OR10H1: variants seen among roughly 807,000 people sequenced by gnomAD.
OR10H1 encodes olfactory receptor 10H1.
OR10H1 carries 12 observed loss-of-function variants against 13.1 expected under a neutral mutation model. That is an observed-to-expected ratio of 0.92 (90% CI 0.59 to 1.48). OR10H1 has a LOEUF of 1.48. OR10H1 is among the 40% of genes most tolerant of loss of function. The pLI is 0.00. For synonymous variants in OR10H1, 168 were observed against 175.6 expected (o/e 0.96, Z 0.34); for missense variants, 363 against 413.1 (o/e 0.88, Z 1.05).
chr19:15,806,815 C>T lies in OR10H1; in HGVS notation c.*266G>A. The T allele has an allele frequency of 2.5e-6, 1 of 407,812 alleles. No individual in the cohort carries two copies. 25.3% of individuals were successfully genotyped at this position (407,812 alleles called of 1,614,324 possible). ...TGATCTCAGCTCACTGCAACCTCCA[C>T]CTACCGGGTCAAGCGATTCTTATGC... On this transcript the variant is annotated 3_prime_UTR_variant, in exon 4 of 4. Transcript: ENST00000641419.
rs1400159767 is a variant in OR10H1, at chr19:15,810,885, AAATAAAATAAAATAAAAAT to A, written c.-129+1326_-129+1344del. On this transcript the variant is annotated intron_variant, in intron 2 of 3. Coordinates refer to ENST00000641419, the MANE Select transcript of OR10H1 (RefSeq NM_013940.4). Reference sequence around the variant, plus strand: ...AAAATAAAATAAAATAAAAATAAAGAAATAAAATAAAATAAAAATAAAGAAAAGAAAATAAATAAATAAA... The same window carrying A: ...AAAATAAAATAAAATAAAAATAAAGAAAAGAAAAGAAAATAAATAAATAAA... Among the ~76,000 whole-genome samples the A allele has an allele frequency of 1.0e-3, 59 of 57,448 alleles. No homozygotes were observed. In the Middle Eastern group the frequency reaches 0.056, roughly 54 times the overall value. 37.7% of individuals were successfully genotyped at this position (57,448 alleles called of 152,430 possible). A position where few individuals can be genotyped will look rare whatever the true frequency, so the allele number is the denominator to read the frequency against.
chr19:15,804,725 TG>T lies in OR10H1; in HGVS notation c.*2355del, dbSNP rs1259648598. The T allele has an allele frequency of 2.6e-5, 4 of 152,236 alleles. No homozygotes were observed. Among genetic ancestry groups the T allele is most frequent in the Non-Finnish European group, 4.4e-5 (3 of 68,046 alleles). 9.4% of individuals were successfully genotyped at this position (152,236 alleles called of 1,614,324 possible). On this transcript the variant is annotated 3_prime_UTR_variant, in exon 4 of 4. Transcript: ENST00000641419. ...TATAGCAGCATGATTTATAATCCTTTGGGTATATACCCAGTAATGGGATGGC... is the reference window on the plus strand; with the variant it reads ...TATAGCAGCATGATTTATAATCCTTTGGTATATACCCAGTAATGGGATGGC...
At chr19:15,813,266 C>T (rs2088944636) in intron 1 of OR10H1, among the ~76,000 whole-genome samples, 1 of 152,086 alleles carries the variant, frequency 6.6e-6, no homozygotes, top group South Asian at 2.1e-4. Context: ...TCTGAAACTG[C>T]TCTTAAAATA....
chr19:15,807,600 G>GT lies in OR10H1; in HGVS notation c.437_438insA (p.Cys147LeufsTer87), dbSNP rs2088907167. The stretch of plus-strand genomic sequence containing the variant: ...TGACCAAGCCACCAGCCCAGGAGCA[G>GT]CCCACCAGGCAGGCGCAGCCCCGCG... On this transcript the variant is annotated frameshift_variant, in exon 4 of 4. Transcript: ENST00000641419. LOFTEE classifies it high-confidence loss of function. The GT allele has an allele frequency of 1.9e-6, 3 of 1,614,128 alleles. No homozygotes were observed. Among genetic ancestry groups the GT allele is most frequent in the Non-Finnish European group, 1.7e-6 (2 of 1,180,054 alleles).
Position 15,806,820 on chromosome 19 carries a change from C to T in OR10H1, c.*261G>A, listed in dbSNP as rs1485810255. 20 of 413,718 alleles carry T rather than the reference C, an allele frequency of 4.8e-5. No individual in the cohort carries two copies. The highest frequency in any genetic ancestry group is 7.7e-5 in the South Asian group (3 of 38,814). 25.6% of individuals were successfully genotyped at this position (413,718 alleles called of 1,614,324 possible). A position where few individuals can be genotyped will look rare whatever the true frequency, so the allele number is the denominator to read the frequency against. On this transcript the variant is annotated 3_prime_UTR_variant, in exon 4 of 4. Transcript: ENST00000641419. The stretch of plus-strand genomic sequence containing the variant: ...TCAGCTCACTGCAACCTCCACCTAC[C>T]GGGTCAAGCGATTCTTATGCCTCAG...
At chr19:15,813,927 AAG>A (rs1340833823) in intron 1 of OR10H1, among the ~76,000 whole-genome samples, 3 of 151,726 alleles carry the variant, frequency 2.0e-5, no homozygotes, top group African/African-American at 7.3e-5. Context: ...GGTGAGAAGA[AAG>A]AGAGAGAGCA....
At chr19:15,813,711 C>G (rs1265825212) in intron 1 of OR10H1, among the ~76,000 whole-genome samples, 9 of 97,830 alleles carry the variant, frequency 9.2e-5, no homozygotes, top group African/African-American at 2.1e-4. Flanking sequence ...GAGAAAGACA[C>G]AGAGAGAGGT....
chr19:15,814,478 TGTGAGAGA>T (rs1352715607), intron 1 of OR10H1, among the ~76,000 whole-genome samples: 25 of 26,488 alleles, frequency 9.4e-4, no homozygotes, highest in Non-Finnish European at 1.6e-3. Flanking sequence ...TGTGTGTGTG[TGTGAGAGA>T]GAGAGAGAGA....
chr19:15,809,165 T>C (rs1303333149), intron 2 of OR10H1, among the ~76,000 whole-genome samples: 5 of 152,232 alleles, frequency 3.3e-5, no homozygotes, highest in African/African-American at 7.2e-5. Context: ...TATGCCTCTA[T>C]GTTCTGAGGC....
rs1355489225 is a variant in OR10H1 at position 15,805,391 on chromosome 19, G to C, written c.*1690C>G. On this transcript the variant is annotated 3_prime_UTR_variant, in exon 4 of 4. Coordinates refer to ENST00000641419, the MANE Select transcript of OR10H1 (RefSeq NM_013940.4). Reference sequence around the variant, plus strand: ...TAAATATATAAATACTATACAGTAGGGTCAATCTTAAATCCCTGCCCATTG... The same window carrying C: ...TAAATATATAAATACTATACAGTAGCGTCAATCTTAAATCCCTGCCCATTG... The C allele has an allele frequency of 6.6e-6, 1 of 151,362 alleles. No individual in the cohort carries two copies. The highest frequency in any genetic ancestry group is 1.5e-5 in the Non-Finnish European group (1 of 67,962). 9.4% of individuals were successfully genotyped at this position (151,362 alleles called of 1,614,324 possible). A position where few individuals can be genotyped will look rare whatever the true frequency, so the allele number is the denominator to read the frequency against.
rs2088886168 is a variant in OR10H1, at chr19:15,804,771, A to T, written c.*2310T>A. ...GATGGCTGGGTCAAATGATATTTCT[A>T]GTTCTAGATCCCTGAGGAATCGCCA... On this transcript the variant is annotated 3_prime_UTR_variant, in exon 4 of 4. Transcript: ENST00000641419. 3 of 152,310 alleles carry T rather than the reference A, an allele frequency of 2.0e-5. No homozygotes were observed. The highest frequency in any genetic ancestry group is 7.2e-5 in the African/African-American group (3 of 41,562). The allele number at this position is 152,310 out of a possible 1,614,324, so 9.4% of individuals were successfully genotyped here.
intron 1 of OR10H1, among the ~76,000 whole-genome samples, chr19:15,815,116 G>A (rs2088959045): frequency 6.6e-6 from 1 of 152,052 alleles, no homozygotes; most frequent in Non-Finnish European, 1.5e-5. Context: ...CGAGGCGGGT[G>A]GATCACGAGA....
chr19:15,810,744 A>G (rs76681337), intron 2 of OR10H1, among the ~76,000 whole-genome samples: 2,600 of 152,232 alleles, frequency 0.017, 73 homozygotes, highest in African/African-American at 0.059. Flanking sequence ...GTCTGGAACT[A>G]GGCAAAGGTG....
rs1302731347 is a variant in OR10H1 at position 15,804,944 on chromosome 19, G to A, written c.*2137C>T. The A allele has an allele frequency of 6.6e-6, 1 of 152,172 alleles. No individual in the cohort carries two copies. The highest frequency in any genetic ancestry group is 1.5e-5 in the Non-Finnish European group (1 of 68,026). 9.4% of individuals were successfully genotyped at this position (152,172 alleles called of 1,614,324 possible). A position where few individuals can be genotyped will look rare whatever the true frequency, so the allele number is the denominator to read the frequency against. ...TGGTGTGAGATGATATCTCATTGTGGTTTCCATTTGCATTTCTCTGATGGC... is the reference window on the plus strand; with the variant it reads ...TGGTGTGAGATGATATCTCATTGTGATTTCCATTTGCATTTCTCTGATGGC... On this transcript the variant is annotated 3_prime_UTR_variant, in exon 4 of 4. Coordinates refer to ENST00000641419, the MANE Select transcript of OR10H1 (RefSeq NM_013940.4).
At position 15,808,030 on chromosome 19, in the gene OR10H1, C is replaced by T; in HGVS notation, c.8G>A (p.Arg3Lys). The change falls in exon 4 of 4, where the codon AGA (arginine) becomes AAA (lysine). Residue 3 changes from arginine (R) to lysine (K), a missense_variant. Around this residue, in one of 3 missense-constraint regions of OR10H1, gnomAD observed 318 missense variants for 366.6 expected, o/e 0.87. Coordinates refer to ENST00000641419, the MANE Select transcript of OR10H1 (RefSeq NM_013940.4). MQ[R>K]ANHSTVTQFI... ...TTGGGTCACTGTGGAGTGATTGGCT[C>T]TCTGCATGGAGGCTGTGCCTGGGGT... is the stretch of plus-strand genomic sequence containing the variant. 1.2e-6 allele frequency: 2 copies of T among 1,610,906 alleles called. No homozygotes were observed. Among genetic ancestry groups the T allele is most frequent in the Non-Finnish European group, 1.7e-6 (2 of 1,177,468 alleles).
chr19:15,814,761 T>C (rs983721537), intron 1 of OR10H1, among the ~76,000 whole-genome samples: 1 of 152,224 alleles, frequency 6.6e-6, no homozygotes, highest in African/African-American at 2.4e-5. Context: ...CACCTTGGCC[T>C]CCCAAAGTGC....
rs771667189 is a variant in OR10H1, at chr19:15,807,115, C to A, written c.923G>T (p.Ser308Ile). ...LKVAMKKTFF[S>I]KLYPEKNVMM ...TACATTTTTTTCTGGGTAGAGTTTA[C>A]TGAAGAAGGTCTTCTTCATGGCGAC... is the stretch of plus-strand genomic sequence containing the variant. The change falls in exon 4 of 4, where the codon AGT becomes ATT. Residue 308 changes from serine to isoleucine, a missense_variant. Ser to Ile is a moderately radical substitution (Grantham distance 142). Transcript: ENST00000641419. 3.1e-6 allele frequency: 5 copies of A among 1,613,864 alleles called. No homozygotes were observed. Among genetic ancestry groups the A allele is most frequent in the Non-Finnish European group, 4.2e-6 (5 of 1,179,940 alleles).
chr19:15,810,229 G>A (rs1387460868), intron 2 of OR10H1, among the ~76,000 whole-genome samples: 1 of 148,620 alleles, frequency 6.7e-6, no homozygotes, highest in Admixed American at 6.8e-5. Flanking sequence ...GGGAGATGGA[G>A]GTTGCAGTGA....
chr19:15,810,597 A>G (rs1473542221), intron 2 of OR10H1, among the ~76,000 whole-genome samples: 3 of 152,054 alleles, frequency 2.0e-5, no homozygotes, highest in Non-Finnish European at 4.4e-5. Flanking sequence ...GGCCTTCGTG[A>G]ACAATGCTGC....
Sources: gnomAD v4.1 joint callset for allele counts (sites outside exome capture counted in the v4.1 genomes callset) on GRCh38, gnomAD v4.1.1 for gene constraint, gnomAD v4.1.1 regional missense constraint, MANE v1.5 for transcripts, NCBI Gene and HGNC (gene_info 2026-07-23, HGNC 2026-07-21) for gene names.